The following GDPD5 variants were observed in gnomAD, a reference collection of about 807,000 sequenced individuals.
GDPD5 encodes glycerophosphodiester phosphodiesterase domain containing 5.
In GDPD5, 48 loss-of-function variants were observed where a neutral mutation model predicts 75.1. The observed-to-expected ratio is 0.64, with a 90% confidence interval of 0.51 to 0.81. The LOEUF is 0.81. Ranked by LOEUF, GDPD5 falls within the 40% of genes least tolerant of loss-of-function variation. GDPD5 has a pLI of 0.00. For missense variants in GDPD5, 706 were observed against 822.6 expected, an observed-to-expected ratio of 0.86 and a Z score of 1.73; for synonymous variants, 336 against 339.0, an observed-to-expected ratio of 0.99 and a Z score of 0.10.
intron 3 of GDPD5, among the ~76,000 whole-genome samples, chr11:75,469,771 G>A (rs2135332786): frequency 6.6e-6 from 1 of 152,372 alleles, no homozygotes; most frequent in Non-Finnish European, 1.5e-5. Flanking sequence ...TAGCATATTA[G>A]TGGAAAAATG....
At chr11:75,507,760 A>G (rs1950432265) in intron 1 of GDPD5, among the ~76,000 whole-genome samples, 1 of 152,230 alleles carries the variant, frequency 6.6e-6, no homozygotes, top group South Asian at 2.1e-4. Flanking sequence ...GGACACTCAC[A>G]GGGACACTTG....
At chr11:75,445,809 A>C (rs967900993) in intron 9 of GDPD5, among the ~76,000 whole-genome samples, 2 of 152,216 alleles carry the variant, frequency 1.3e-5, no homozygotes, top group African/African-American at 4.8e-5. Flanking sequence ...CACTTCCCAG[A>C]CACAGAGCTG....
intron 3 of GDPD5, among the ~76,000 whole-genome samples, chr11:75,471,416 C>A (rs1949662286): frequency 6.6e-6 from 1 of 152,198 alleles, no homozygotes; most frequent in South Asian, 2.1e-4. Flanking sequence ...GAGAGCTGGG[C>A]AATCAGGCCT....
chr11:75,502,571 A>G (rs563721767), intron 1 of GDPD5, among the ~76,000 whole-genome samples: 6 of 152,156 alleles, frequency 3.9e-5, no homozygotes, highest in Non-Finnish European at 5.9e-5. Context: ...CTCCCATCCT[A>G]CACCCTCTTC....
Position 75,435,593 on chromosome 11 carries a change from T to C in GDPD5, c.1732A>G (p.Thr578Ala), listed in dbSNP as rs748104045. The change falls in exon 17 of 17, where the codon ACA becomes GCA. Residue 578 changes from threonine to alanine, a missense_variant. Coordinates refer to ENST00000336898, the MANE Select transcript of GDPD5 (RefSeq NM_030792.8). Reference sequence around the variant, plus strand: ...GGGGTGGCGGTGCTGTTGGCATATGTGTCATAACTGTTGTCTGAACATACG... The same window carrying C: ...GGGGTGGCGGTGCTGTTGGCATATGCGTCATAACTGTTGTCTGAACATACG... ...LSVCSDNSYDTYANSTATPVG... is the reference protein window; with the variant it reads ...LSVCSDNSYDAYANSTATPVG... 5 of 1,613,722 alleles carry C rather than the reference T, an allele frequency of 3.1e-6. No homozygotes were observed. The highest frequency in any genetic ancestry group is 3.4e-6 in the Non-Finnish European group (4 of 1,179,822).
chr11:75,498,305 T>C (rs918421297), intron 1 of GDPD5, among the ~76,000 whole-genome samples: 1 of 152,236 alleles, frequency 6.6e-6, no homozygotes, highest in Non-Finnish European at 1.5e-5. Flanking sequence ...TATTTGTTCC[T>C]GGAATGTGTT....
chr11:75,475,124 G>A (rs545377715), intron 3 of GDPD5, among the ~76,000 whole-genome samples: 3 of 152,242 alleles, frequency 2.0e-5, no homozygotes, highest in African/African-American at 7.2e-5. Context: ...AATGTTAACA[G>A]ATACTATTAC....
intron 3 of GDPD5, among the ~76,000 whole-genome samples, chr11:75,468,687 C>A (rs7116757): frequency 0.027 from 4,097 of 152,248 alleles, 206 homozygotes; most frequent in African/African-American, 0.093. Flanking sequence ...ACGCCCCCCC[C>A]CCGGGAGGTG....
intron 13 of GDPD5, 100 bp downstream of exon 13, chr11:75,441,546 G>GTA: frequency 2.6e-6 from 1 of 388,588 alleles, no homozygotes; most frequent in Non-Finnish European, 3.6e-6. Context: ...GCCCGACCGT[G>GTA]TGTGTGTGTG....
At chr11:75,497,124 G>C (rs1053000848) in intron 1 of GDPD5, among the ~76,000 whole-genome samples, 1 of 151,892 alleles carries the variant, frequency 6.6e-6, no homozygotes, top group Non-Finnish European at 1.5e-5. Context: ...AGCTCGAGAG[G>C]GTTTAGGGTC....
chr11:75,460,649 T>C (rs1347418207), intron 4 of GDPD5, among the ~76,000 whole-genome samples: 2 of 152,140 alleles, frequency 1.3e-5, no homozygotes, highest in Non-Finnish European at 2.9e-5. Flanking sequence ...TTTTTTCATG[T>C]TGTCCAGGCT....
At chr11:75,499,275 G>T (rs1184132205) in intron 1 of GDPD5, among the ~76,000 whole-genome samples, 1 of 151,778 alleles carries the variant, frequency 6.6e-6, no homozygotes, top group East Asian at 1.9e-4. Flanking sequence ...CCTCCCCTCA[G>T]GTCCCACCCC....
intron 1 of GDPD5, among the ~76,000 whole-genome samples, chr11:75,520,575 T>C (rs1950735542): frequency 6.6e-6 from 1 of 152,080 alleles, no homozygotes; most frequent in Admixed American, 6.5e-5. Flanking sequence ...CCACAGTCAG[T>C]GTGCAGAGGG....
chr11:75,451,506 G>C (rs1030024173), intron 6 of GDPD5: 1 of 152,252 alleles, frequency 6.6e-6, no homozygotes, highest in Non-Finnish European at 1.5e-5. Context: ...AGGGGGTAAG[G>C]GGGTGTGCGC....
At chr11:75,505,277 C>A (rs1156751915) in intron 1 of GDPD5, among the ~76,000 whole-genome samples, 1 of 152,156 alleles carries the variant, frequency 6.6e-6, no homozygotes, top group African/African-American at 2.4e-5. Context: ...TGGGGCACCA[C>A]AGATAGAGGC....
chr11:75,519,845 A>G (rs778551825), intron 1 of GDPD5, among the ~76,000 whole-genome samples: 1 of 152,150 alleles, frequency 6.6e-6, no homozygotes, highest in African/African-American at 2.4e-5. Context: ...ATCTCCAACC[A>G]TGTTACATTT....
At chr11:75,445,422 GT>G (rs968009110) in intron 9 of GDPD5, among the ~76,000 whole-genome samples, 3 of 152,178 alleles carry the variant, frequency 2.0e-5, no homozygotes, top group African/African-American at 7.2e-5. Flanking sequence ...ACTCATGAGG[GT>G]CTTTATGCTT....
rs148544864 is a variant in GDPD5 at position 75,435,618 on chromosome 11, G to A, written c.1707C>T (p.Ser569=). The A allele has an allele frequency of 1.3e-4, 202 of 1,613,598 alleles. No homozygotes were observed. The African/African-American group carries it at 2.5e-3, about 20-fold the overall frequency. Residue 569 remains serine (S), a synonymous_variant, in exon 17 of 17, where the codon TCC becomes TCT. Coordinates refer to ENST00000336898, the MANE Select transcript of GDPD5 (RefSeq NM_030792.8). The part of the protein sequence containing the change: ...SDGVEVSDVL[S]VCSDNSYDTY... Reference sequence around the variant, plus strand: ...TGTCATAACTGTTGTCTGAACATACGGAGAGCACATCGGAGACCTCTACAC... The same window carrying A: ...TGTCATAACTGTTGTCTGAACATACAGAGAGCACATCGGAGACCTCTACAC...
intron 6 of GDPD5, among the ~76,000 whole-genome samples, chr11:75,450,213 C>A (rs914348813): frequency 6.6e-6 from 1 of 152,048 alleles, no homozygotes; most frequent in African/African-American, 2.4e-5. Flanking sequence ...GCCGGCAGAC[C>A]CAGCGAGGAA....
Sources: allele counts gnomAD v4.1 joint callset (sites outside exome capture counted in the v4.1 genomes callset), GRCh38; gene constraint gnomAD v4.1.1; transcripts MANE v1.5; gene names NCBI Gene and HGNC (gene_info 2026-07-23, HGNC 2026-07-21).